TBCCD1: variants seen among roughly 807,000 people sequenced by gnomAD.
TBCCD1 encodes TBCC domain-containing protein 1.
Under a neutral mutation model 53.4 loss-of-function variants are expected in TBCCD1, and 26 were observed. The ratio of observed to expected loss-of-function variants is 0.49; its 90% CI spans 0.36 to 0.68. The LOEUF (loss-of-function observed/expected upper bound fraction) is 0.68, where lower values mean the gene tolerates loss of function less well. TBCCD1 is among the 30% of genes least tolerant of loss of function. The pLI, the probability that TBCCD1 is intolerant of heterozygous loss-of-function variation, is 0.00. For synonymous variants in TBCCD1, 245 were observed against 241.7 expected (o/e 1.01, Z -0.13); for missense variants, 558 against 669.5 (o/e 0.83, Z 1.84).
intron 7 of TBCCD1, among the ~76,000 whole-genome samples, 190 bp from the exon 8 acceptor site, chr3:186,547,145 AAG>A (rs751020065): frequency 3.3e-5 from 5 of 152,208 alleles, no homozygotes; most frequent in Admixed American, 2.0e-4. Context: ...ATCATAATAA[AAG>A]AGAAATTCAT....
At chr3:186,549,227 G>A (rs1165692051) in intron 7 of TBCCD1, among the ~76,000 whole-genome samples, 1 of 152,066 alleles carries the variant, frequency 6.6e-6, no homozygotes, top group African/African-American at 2.4e-5. Flanking sequence ...AGTGACGGTT[G>A]CAGTGAGCCG....
intron 7 of TBCCD1, among the ~76,000 whole-genome samples, chr3:186,550,296 C>A (rs77082677): frequency 4.0e-4 from 60 of 149,826 alleles, no homozygotes; most frequent in Non-Finnish European, 7.5e-4. Flanking sequence ...GAATACCATA[C>A]GTTTGGGGCT....
intron 7 of TBCCD1, among the ~76,000 whole-genome samples, chr3:186,547,910 T>C (rs1468728372): frequency 6.6e-6 from 1 of 152,178 alleles, no homozygotes; most frequent in East Asian, 1.9e-4. Flanking sequence ...TAAAAAAAAA[T>C]ACACCCTTAA....
chr3:186,562,872 T>C (rs1313220836), intron 2 of TBCCD1, among the ~76,000 whole-genome samples: 2 of 152,236 alleles, frequency 1.3e-5, no homozygotes. Context: ...TCCTCCATTC[T>C]GTTGATCTTC....
chr3:186,554,582 G>A lies in TBCCD1; in HGVS notation c.1216C>T (p.Leu406Phe). Reference protein sequence around the residue: ...IFHVLTPTRPLILSGNQTVTF... With the variant: ...IFHVLTPTRPFILSGNQTVTF... ...ACTGTCTGGTTCCCAGAGAGAATAAGTGGGCGTGTAGGCGTAAGAACGTGA... is the reference window on the plus strand; with the variant it reads ...ACTGTCTGGTTCCCAGAGAGAATAAATGGGCGTGTAGGCGTAAGAACGTGA... Residue 406 changes from leucine to phenylalanine, a missense_variant, in exon 6 of 8, where the codon CTT becomes TTT. Physicochemically the swap from Leu to Phe is conservative, Grantham distance 22. Transcript: ENST00000338733. The A allele has an allele frequency of 6.2e-7, 1 of 1,614,228 alleles. No individual in the cohort carries two copies. Among genetic ancestry groups the A allele is most frequent in the Non-Finnish European group, 8.5e-7 (1 of 1,180,042 alleles).
At chr3:186,557,695 TGAG>T (rs1241897609) in intron 3 of TBCCD1, among the ~76,000 whole-genome samples, 1 of 151,926 alleles carries the variant, frequency 6.6e-6, no homozygotes, top group Non-Finnish European at 1.5e-5. Flanking sequence ...TGAAAGAAAG[TGAG>T]AAGAGAGAGT....
At chr3:186,561,264 T>G (rs1012620054) in intron 2 of TBCCD1, among the ~76,000 whole-genome samples, 1 of 152,012 alleles carries the variant, frequency 6.6e-6, no homozygotes, top group African/African-American at 2.4e-5. Context: ...ATAACCTAAT[T>G]AAAAAATGGA....
At chr3:186,548,865 C>T (rs1223284382) in intron 7 of TBCCD1, among the ~76,000 whole-genome samples, 1 of 152,104 alleles carries the variant, frequency 6.6e-6, no homozygotes, top group African/African-American at 2.4e-5. Context: ...AGTGTTCTCA[C>T]TGCAAAAATG....
At chr3:186,548,399 C>T (rs1480011230) in intron 7 of TBCCD1, among the ~76,000 whole-genome samples, 1 of 152,110 alleles carries the variant, frequency 6.6e-6, no homozygotes, top group Non-Finnish European at 1.5e-5. Flanking sequence ...ACAATGTGTA[C>T]GAGCTTTATT....
intron 1 of TBCCD1, 103 bp from the exon 2 acceptor site, chr3:186,564,475 C>A: frequency 2.9e-6 from 2 of 694,986 alleles, no homozygotes; most frequent in Non-Finnish European, 4.5e-6. Flanking sequence ...ATATGTACTA[C>A]ATCATCATCT....
intron 2 of TBCCD1, among the ~76,000 whole-genome samples, chr3:186,560,868 C>T (rs1560228402): frequency 6.6e-6 from 1 of 152,156 alleles, no homozygotes; most frequent in Non-Finnish European, 1.5e-5. Context: ...GTCAAGAATA[C>T]AAAACGCAGA....
At chr3:186,570,405 G>C (rs1188139959), upstream of TBCCD1, 1 of 480,092 alleles carries the variant, frequency 2.1e-6, no homozygotes, top group East Asian at 3.3e-5. Context: ...TGGAAAGTCC[G>C]AGGAAGTGGG....
At chr3:186,558,679 AC>A in intron 2 of TBCCD1, 107 bp from the exon 3 acceptor site, 1 of 1,231,898 alleles carries the variant, frequency 8.1e-7, no homozygotes. Context: ...TCCTAAAAAA[AC>A]CAACTTAGAA....
intron 2 of TBCCD1, 120 bp from the exon 3 acceptor site, chr3:186,558,692 C>T: frequency 1.9e-6 from 2 of 1,064,736 alleles, no homozygotes; most frequent in Non-Finnish European, 2.7e-6. Context: ...AACTTAGAAA[C>T]ATTGCCAGTT....
intron 1 of TBCCD1, among the ~76,000 whole-genome samples, chr3:186,565,787 G>C (rs185720521): frequency 6.6e-6 from 1 of 152,116 alleles, no homozygotes; most frequent in Non-Finnish European, 1.5e-5. Context: ...AAAATTTTCA[G>C]ATGTACTTTT....
At chr3:186,556,276 T>G in intron 4 of TBCCD1, 133 bp downstream of exon 4, 1 of 970,396 alleles carries the variant, frequency 1.0e-6, no homozygotes, top group Non-Finnish European at 1.5e-6. Context: ...AGACAGATGT[T>G]CCTTTTTCTC....
upstream of TBCCD1, among the ~76,000 whole-genome samples, chr3:186,569,275 T>G (rs945566327): frequency 4.6e-5 from 7 of 151,656 alleles, no homozygotes; most frequent in Middle Eastern, 6.8e-3. Context: ...TCCAGGCTTT[T>G]AAACAGGGGA....
At chr3:186,549,978 A>G (rs991775280) in intron 7 of TBCCD1, among the ~76,000 whole-genome samples, 5 of 152,050 alleles carry the variant, frequency 3.3e-5, no homozygotes, top group African/African-American at 1.2e-4. Context: ...TGTAATCCCA[A>G]CACTTTGGGA....
At chr3:186,569,695 A>G (rs1051003776), upstream of TBCCD1, among the ~76,000 whole-genome samples, 1 of 151,052 alleles carries the variant, frequency 6.6e-6, no homozygotes, top group Non-Finnish European at 1.5e-5. Flanking sequence ...ATTAAGGAAG[A>G]TATTAAGAGT....
Sources: gnomAD v4.1 joint callset for allele counts (sites outside exome capture counted in the v4.1 genomes callset) on GRCh38, gnomAD v4.1.1 for gene constraint, MANE v1.5 for transcripts, NCBI Gene and HGNC (gene_info 2026-07-23, HGNC 2026-07-21) for gene names.